The following MAP3K20 variants were observed in gnomAD, a reference collection of about 807,000 sequenced individuals.
The protein encoded by MAP3K20 is mitogen-activated protein kinase kinase kinase 20, also known as HCCS-4.
MAP3K20 carries 40 observed loss-of-function variants against 85.7 expected under a neutral mutation model. The ratio of observed to expected loss-of-function variants is 0.47; its 90% confidence interval spans 0.36 to 0.61. MAP3K20 has a LOEUF of 0.61. MAP3K20 is among the 20% of genes least tolerant of loss of function. The probability of loss-of-function intolerance (pLI) is 0.00; values close to 1 mark genes in which losing one functional copy is unlikely to be tolerated. For synonymous variants in MAP3K20, 325 were observed against 327.7 expected, an observed-to-expected ratio of 0.99 and a Z score of 0.09; for missense variants, 817 against 961.7, an observed-to-expected ratio of 0.85 and a Z score of 1.99.
intron 2 of MAP3K20, among the ~76,000 whole-genome samples, chr2:173,125,193 A>C (rs1048991642): frequency 6.6e-6 from 1 of 152,206 alleles, no homozygotes; most frequent in Non-Finnish European, 1.5e-5. Context: ...ATTTTAAGGA[A>C]GATAGGTATG....
intron 2 of MAP3K20, among the ~76,000 whole-genome samples, chr2:173,146,717 A>G (rs1689148213): frequency 6.6e-6 from 1 of 152,214 alleles, no homozygotes; most frequent in South Asian, 2.1e-4. Flanking sequence ...TCTTGAGTAT[A>G]TATACCTAAG....
intron 2 of MAP3K20, among the ~76,000 whole-genome samples, chr2:173,108,035 C>T (rs1413714844): frequency 6.6e-6 from 1 of 152,130 alleles, no homozygotes; most frequent in African/African-American, 2.4e-5. Flanking sequence ...TCTTTGTTCT[C>T]TATGGTGGTT....
At chr2:173,208,956 A>C (rs1272151649) in intron 9 of MAP3K20, among the ~76,000 whole-genome samples, 2 of 152,368 alleles carry the variant, frequency 1.3e-5, no homozygotes, top group East Asian at 3.9e-4. Flanking sequence ...CAAGAAACAC[A>C]CTTAACCACT....
At position 173,134,409 on chromosome 2, in the gene MAP3K20, TATATA is replaced by T. The variant is rs1559245970; in HGVS notation, c.160-35395_160-35391del. Among the ~76,000 whole-genome samples, 24 of 9,728 alleles carry T rather than the reference TATATA, an allele frequency of 2.5e-3. 2 individuals carry two copies. Among genetic ancestry groups the T allele is most frequent in the Non-Finnish European group, 5.7e-3 (20 of 3,482 alleles). 6.4% of individuals were successfully genotyped at this position (9,728 alleles called of 152,430 possible). A position where few individuals can be genotyped will look rare whatever the true frequency, so the allele number is the denominator to read the frequency against. On this transcript the variant is annotated intron_variant, in intron 2 of 19. Coordinates refer to ENST00000375213, the MANE Select transcript of MAP3K20 (RefSeq NM_016653.3). The stretch of plus-strand genomic sequence containing the variant: ...GTCTCTATACATATATATATATATA[TATATA>T]TATATATATATATATTTTTTTTTTT...
At chr2:173,181,927 G>A (rs1350764679) in intron 3 of MAP3K20, among the ~76,000 whole-genome samples, 1 of 151,032 alleles carries the variant, frequency 6.6e-6, no homozygotes, top group Non-Finnish European at 1.5e-5. Context: ...ATGGTGGTAT[G>A]TGCCTGTAGT....
At chr2:173,220,098 T>C (rs1268630664) in intron 11 of MAP3K20, among the ~76,000 whole-genome samples, 1 of 146,440 alleles carries the variant, frequency 6.8e-6, no homozygotes, top group Non-Finnish European at 1.5e-5. Context: ...TCCTGAATAT[T>C]AGGTACCAGA....
chr2:173,102,296 C>T (rs1011166151), intron 2 of MAP3K20, among the ~76,000 whole-genome samples: 1 of 152,112 alleles, frequency 6.6e-6, no homozygotes, highest in African/African-American at 2.4e-5. Context: ...ACTTTATAGC[C>T]TTTTCTTCTC....
intron 1 of MAP3K20, among the ~76,000 whole-genome samples, chr2:173,079,959 T>C (rs549887734): frequency 4.3e-4 from 65 of 152,114 alleles, no homozygotes; most frequent in African/African-American, 1.5e-3. Context: ...AATACATAAA[T>C]GAGTAACACA....
chr2:173,261,308 C>T (rs1026424412), intron 18 of MAP3K20, among the ~76,000 whole-genome samples, 171 bp downstream of exon 18: 2 of 152,142 alleles, frequency 1.3e-5, no homozygotes, highest in Non-Finnish European at 2.9e-5. Flanking sequence ...TCTCTCACAA[C>T]GTGTTGGGAA....
intron 16 of MAP3K20, among the ~76,000 whole-genome samples, chr2:173,240,755 C>T (rs1335295841): frequency 6.6e-6 from 1 of 152,138 alleles, no homozygotes; most frequent in Non-Finnish European, 1.5e-5. Flanking sequence ...ATCCAGCAAT[C>T]CCACTCTAGG....
At position 173,198,183 on chromosome 2, in the gene MAP3K20, C is replaced by T; in HGVS notation, c.669+71C>T. ...ATTGGGGTTTTGCAAAAGACTTTTT[C>T]ATCTTCTTCAAATTGAAAGTAAGTT... On this transcript the variant is annotated intron_variant, in intron 8 of 19. Transcript: ENST00000375213. This position sits in a 1 kb window ranked among gnomAD's most constrained non-coding sequence, Gnocchi z 5.8. 7.4e-7 allele frequency: 1 copy of T among 1,359,128 alleles called. No individual in the cohort carries two copies. The highest frequency in any genetic ancestry group is 1.0e-6 in the Non-Finnish European group (1 of 974,868). 84.2% of individuals were successfully genotyped at this position (1,359,128 alleles called of 1,614,324 possible).
intron 10 of MAP3K20, 107 bp downstream of exon 10, chr2:173,209,942 A>G (rs1213305016): frequency 9.9e-7 from 1 of 1,013,982 alleles, no homozygotes; most frequent in African/African-American, 1.6e-5. Flanking sequence ...ATTTCTGACC[A>G]TAGCTTAGGG....
At chr2:173,082,114 A>G (rs114742296) in intron 1 of MAP3K20, among the ~76,000 whole-genome samples, 2,364 of 151,794 alleles carry the variant, frequency 0.016, 59 homozygotes, top group African/African-American at 0.054. Context: ...CTATCCTCCC[A>G]CCTCAGTCTC....
intron 10 of MAP3K20, among the ~76,000 whole-genome samples, chr2:173,214,924 C>T (rs537745990): frequency 1.3e-5 from 2 of 152,286 alleles, no homozygotes; most frequent in East Asian, 3.9e-4. Flanking sequence ...CATATAACCT[C>T]ACACACGATT....
chr2:173,205,884 A>AT (rs1390325918), intron 9 of MAP3K20, among the ~76,000 whole-genome samples: 2 of 152,110 alleles, frequency 1.3e-5, no homozygotes, highest in Non-Finnish European at 2.9e-5. Context: ...TAGAATGGGG[A>AT]TTTTTAAGCA....
chr2:173,090,818 G>T, intron 1 of MAP3K20, 180 bp from the exon 2 acceptor site: 2 of 1,234,880 alleles, frequency 1.6e-6, no homozygotes, highest in African/African-American at 1.6e-5. Context: ...TGAATTTTGC[G>T]TGGGCTGCCA....
chr2:173,209,990 A>ATAAG (rs1274332197), intron 10 of MAP3K20, 155 bp downstream of exon 10: 1 of 660,482 alleles, frequency 1.5e-6, no homozygotes, highest in East Asian at 2.7e-5. Flanking sequence ...TGGAACTCTT[A>ATAAG]TAAGTCCTGC....
Position 173,266,936 on chromosome 2 carries a change from C to T in MAP3K20, c.*186C>T. On this transcript the variant is annotated 3_prime_UTR_variant, in exon 20 of 20. Coordinates refer to ENST00000375213, the MANE Select transcript of MAP3K20 (RefSeq NM_016653.3). ...CAGGGCCAAAATTATGGATATTGGT[C>T]ACCCAGTGATCATAACTAGGCTTGA... The T allele has an allele frequency of 2.1e-6, 1 of 486,800 alleles. No individual in the cohort carries two copies. The highest frequency in any genetic ancestry group is 3.5e-6 in the Non-Finnish European group (1 of 287,820). The allele number at this position is 486,800 out of a possible 1,614,324, so 30.2% of individuals were successfully genotyped here.
chr2:173,132,134 C>T (rs912624453), intron 2 of MAP3K20, among the ~76,000 whole-genome samples: 4 of 152,122 alleles, frequency 2.6e-5, no homozygotes, highest in Non-Finnish European at 4.4e-5. Flanking sequence ...TAATTCAAGT[C>T]ATACTTATCA....
Sources: gnomAD v4.1 joint callset for allele counts (sites outside exome capture counted in the v4.1 genomes callset) on GRCh38, gnomAD v4.1.1 for gene constraint, Gnocchi (gnomAD v3.1) non-coding constraint, MANE v1.5 for transcripts, NCBI Gene and HGNC (gene_info 2026-07-23, HGNC 2026-07-21) for gene names.